SLC43A1: variants seen among roughly 807,000 people sequenced by gnomAD.
The protein encoded by SLC43A1 is large neutral amino acids transporter small subunit 3.
SLC43A1 carries 31 observed loss-of-function variants against 59.5 expected under a neutral mutation model. The observed-to-expected ratio is 0.52, with a 90% confidence interval of 0.39 to 0.70. The LOEUF is 0.70. SLC43A1 is among the 30% of genes least tolerant of loss of function. The probability of loss-of-function intolerance (pLI) is 0.00; values close to 1 mark genes in which losing one functional copy is unlikely to be tolerated. For synonymous variants in SLC43A1, 259 were observed against 290.9 expected, an observed-to-expected ratio of 0.89 and a Z score of 1.12; for missense variants, 598 against 717.8, an observed-to-expected ratio of 0.83 and a Z score of 1.91.
intron 12 of SLC43A1, 24 bp downstream of exon 12, chr11:57,489,227 G>A (rs766082782): frequency 6.2e-7 from 1 of 1,613,988 alleles, no homozygotes; most frequent in East Asian, 2.2e-5. Flanking sequence ...GAGGCAGGGA[G>A]AGGGGAAGGA....
In SLC43A1 at chr11:57,492,484, AATAATATAATAT is replaced by A. The variant is rs1258157619; in HGVS notation, c.872-634_872-623del. Among the ~76,000 whole-genome samples, 559 of 134,012 alleles carry A rather than the reference AATAATATAATAT, an allele frequency of 4.2e-3. 6 individuals are homozygous for A. Among genetic ancestry groups the A allele is most frequent in the African/African-American group, 0.014 (481 of 35,552 alleles). 87.9% of individuals were successfully genotyped at this position (134,012 alleles called of 152,430 possible). On this transcript the variant is annotated intron_variant, in intron 8 of 14. Transcript: ENST00000278426. ...ATATATATATAATTTATATATAAAA[AATAATATAATAT>A]ATAATATAATATATAATAATATAAT...
chr11:57,508,637 T>C (rs1466153009), intron 2 of SLC43A1, among the ~76,000 whole-genome samples: 3 of 151,746 alleles, frequency 2.0e-5, no homozygotes, highest in Non-Finnish European at 4.4e-5. Flanking sequence ...TCCTAGAAAA[T>C]TAAAAAATTA....
chr11:57,487,029 A>T, intron 14 of SLC43A1, 66 bp downstream of exon 14: 1 of 1,562,352 alleles, frequency 6.4e-7, no homozygotes, highest in Non-Finnish European at 8.8e-7. Flanking sequence ...GGCACCACAT[A>T]CAAGGCCCTA....
chr11:57,490,010 A>C (rs1943854475), intron 11 of SLC43A1, among the ~76,000 whole-genome samples: 1 of 152,192 alleles, frequency 6.6e-6, no homozygotes, highest in South Asian at 2.1e-4. Flanking sequence ...TTAGGAGCAG[A>C]GGGTAGAGGA....
intron 2 of SLC43A1, among the ~76,000 whole-genome samples, chr11:57,506,281 G>A (rs1388722191): frequency 6.6e-6 from 1 of 152,200 alleles, no homozygotes; most frequent in African/African-American, 2.4e-5. Flanking sequence ...GGGAGGTGGA[G>A]GACGCAATGA....
rs762958627 is a variant in SLC43A1, at chr11:57,500,764, G to A, written c.465+15C>T. On this transcript the variant is annotated intron_variant, in intron 5 of 14. Transcript: ENST00000278426. ...CGGGGGAACTCTGCTGCCAGGCCAG[G>A]CCTGTGACACTCACCGTGAGTGAAG... 2 of 1,613,286 alleles carry A rather than the reference G, an allele frequency of 1.2e-6. No individual in the cohort carries two copies. The highest frequency in any genetic ancestry group is 1.3e-5 in the African/African-American group (1 of 74,896).
intron 12 of SLC43A1, 109 bp from the exon 13 acceptor site, chr11:57,489,098 A>G: frequency 7.0e-7 from 1 of 1,430,110 alleles, no homozygotes; most frequent in Non-Finnish European, 9.8e-7. Context: ...CCCCTCGCCA[A>G]CCCAATCTAC....
intron 2 of SLC43A1, among the ~76,000 whole-genome samples, chr11:57,509,457 G>A (rs1944470119): frequency 6.6e-6 from 1 of 150,918 alleles, no homozygotes. Context: ...GCATGGTGGT[G>A]TGTGCCTGTA....
intron 7 of SLC43A1, 47 bp from the exon 8 acceptor site, chr11:57,494,218 C>A: frequency 6.4e-7 from 1 of 1,571,480 alleles, no homozygotes; most frequent in Non-Finnish European, 8.6e-7. Flanking sequence ...CACACAGAGC[C>A]CACCTTCAAC....
intron 11 of SLC43A1, among the ~76,000 whole-genome samples, chr11:57,490,483 T>C (rs1255062198): frequency 6.6e-6 from 1 of 152,134 alleles, no homozygotes; most frequent in African/African-American, 2.4e-5. Flanking sequence ...TCTGAGATTA[T>C]GTGAGAGAAG....
At chr11:57,495,595 G>C (rs2848641) in intron 7 of SLC43A1, among the ~76,000 whole-genome samples, 94,748 of 152,050 alleles carry the variant, frequency 0.62, 30,791 homozygotes, top group East Asian at 0.82. Flanking sequence ...GAAGGGCAAG[G>C]GGGGAGGATC....
chr11:57,487,539 A>T (rs142527496), intron 13 of SLC43A1, among the ~76,000 whole-genome samples: 146 of 152,224 alleles, frequency 9.6e-4, no homozygotes, highest in Middle Eastern at 6.8e-3. Flanking sequence ...ACAAACATTT[A>T]GCTGAGAACC....
At chr11:57,500,959 G>A in intron 4 of SLC43A1, 29 bp downstream of exon 4, 1 of 1,597,168 alleles carries the variant, frequency 6.3e-7, no homozygotes, top group South Asian at 1.1e-5. Flanking sequence ...TTCTTTTCTT[G>A]TGGGGCCACA....
chr11:57,491,919 G>A (rs1412975601), intron 8 of SLC43A1, 57 bp from the exon 9 acceptor site: 4 of 1,559,564 alleles, frequency 2.6e-6, no homozygotes, highest in Non-Finnish European at 3.5e-6. Flanking sequence ...CCCTCTGATT[G>A]TCCCAGCTCA....
chr11:57,512,879 G>A (rs1353052457), intron 2 of SLC43A1, among the ~76,000 whole-genome samples: 1 of 152,010 alleles, frequency 6.6e-6, no homozygotes, highest in African/African-American at 2.4e-5. Flanking sequence ...CAGATCCTGG[G>A]GTGGAGCAGC....
Position 57,500,847 on chromosome 11 carries a change from G to A in SLC43A1, c.397C>T (p.Pro133Ser). 1 of 1,614,228 alleles carries A rather than the reference G, an allele frequency of 6.2e-7. No individual in the cohort carries two copies. Among genetic ancestry groups the A allele is most frequent in the Non-Finnish European group, 8.5e-7 (1 of 1,180,028 alleles). ...LASRDVEALS[P>S]LIFLALSLNG... ...AGGGACAGCGCCAGGAATATCAACG[G>A]AGACAGAGCTGGAAAGGGGAAAGCA... Residue 133 changes from proline (P) to serine (S), a missense_variant, in exon 5 of 15, where the codon CCG (proline) becomes TCG (serine). Pro to Ser is a moderately conservative substitution (Grantham distance 74). Coordinates refer to ENST00000278426, the MANE Select transcript of SLC43A1 (RefSeq NM_003627.6).
At chr11:57,497,005 T>A (rs569425829) in intron 6 of SLC43A1, among the ~76,000 whole-genome samples, 1 of 152,200 alleles carries the variant, frequency 6.6e-6, no homozygotes, top group Non-Finnish European at 1.5e-5. Context: ...AAACACTACT[T>A]CAGTTGAAAA....
intron 2 of SLC43A1, among the ~76,000 whole-genome samples, chr11:57,509,530 G>A (rs893953189): frequency 1.3e-5 from 2 of 151,198 alleles, no homozygotes; most frequent in African/African-American, 4.9e-5. Flanking sequence ...AGAGGTTGCA[G>A]TGAGCCAAGA....
intron 2 of SLC43A1, among the ~76,000 whole-genome samples, chr11:57,504,885 A>G (rs1391142366): frequency 6.6e-6 from 1 of 152,256 alleles, no homozygotes; most frequent in Non-Finnish European, 1.5e-5. Flanking sequence ...GAGTTCATTC[A>G]TAAGGAAGGC....
Sources: allele counts gnomAD v4.1 joint callset (sites outside exome capture counted in the v4.1 genomes callset), GRCh38; gene constraint gnomAD v4.1.1; transcripts MANE v1.5; gene names NCBI Gene and HGNC (gene_info 2026-07-23, HGNC 2026-07-21).